ZMAT4: variants seen among roughly 807,000 people sequenced by gnomAD.
The protein encoded by ZMAT4 is zinc finger matrin-type 4.
Under a neutral mutation model 28.7 loss-of-function variants are expected in ZMAT4, and 17 were observed. The observed-to-expected ratio is 0.59, with a 90% CI of 0.41 to 0.89. The LOEUF (loss-of-function observed/expected upper bound fraction) is 0.89. Ranked by LOEUF, ZMAT4 falls within the 40% of genes least tolerant of loss-of-function variation. ZMAT4 has a pLI of 0.00. For missense variants in ZMAT4, 240 were observed against 283.8 expected (o/e 0.85, Z 1.11); for synonymous variants, 117 against 109.2 (o/e 1.07, Z -0.44).
intron 5 of ZMAT4, among the ~76,000 whole-genome samples, chr8:40,615,237 A>T (rs1033040787): frequency 1.3e-4 from 20 of 152,246 alleles, no homozygotes; most frequent in Admixed American, 3.3e-4. Flanking sequence ...TTTCTTTAAG[A>T]ATGTTGAATA....
intron 2 of ZMAT4, among the ~76,000 whole-genome samples, chr8:40,825,328 G>A (rs899764664): frequency 6.6e-6 from 1 of 152,068 alleles, no homozygotes; most frequent in African/African-American, 2.4e-5. Flanking sequence ...GTCTCCAGGG[G>A]CTGAGATACA....
In ZMAT4 at chr8:40,823,074, C is replaced by T. The variant is rs575226659; in HGVS notation, c.102+2501G>A. Reference sequence around the variant, plus strand: ...TTTTTCATTGTTTTCAATGTTCTGACGTTACTTTTCTAGTCAGGCAGTGTG... The same window carrying T: ...TTTTTCATTGTTTTCAATGTTCTGATGTTACTTTTCTAGTCAGGCAGTGTG... On this transcript the variant is annotated intron_variant, in intron 2 of 6. Coordinates refer to ENST00000297737, the MANE Select transcript of ZMAT4 (RefSeq NM_024645.3). Among the ~76,000 whole-genome samples, 27 of 152,158 alleles carry T rather than the reference C, an allele frequency of 1.8e-4. No individual in the cohort carries two copies. The South Asian group carries it at 5.2e-3, about 29-fold the overall frequency.
chr8:40,665,621 CAG>C (rs1332950468), intron 5 of ZMAT4, among the ~76,000 whole-genome samples: 1 of 152,200 alleles, frequency 6.6e-6, no homozygotes, highest in East Asian at 1.9e-4. Context: ...CCAGAAAACT[CAG>C]AGTTGGCTGT....
At chr8:40,604,608 T>C (rs1805516456) in intron 5 of ZMAT4, among the ~76,000 whole-genome samples, 2 of 152,236 alleles carry the variant, frequency 1.3e-5, no homozygotes, top group African/African-American at 4.8e-5. Context: ...GATATGCTGT[T>C]GGATTTGGTT....
At chr8:40,648,150 A>C (rs192869346) in intron 5 of ZMAT4, among the ~76,000 whole-genome samples, 311 of 152,308 alleles carry the variant, frequency 2.0e-3, no homozygotes, top group African/African-American at 7.0e-3. Flanking sequence ...CATTCAAACC[A>C]AAGGCAAAGA....
intron 1 of ZMAT4, among the ~76,000 whole-genome samples, chr8:40,875,479 C>G (rs181400282): frequency 6.6e-6 from 1 of 152,172 alleles, no homozygotes; most frequent in Non-Finnish European, 1.5e-5. Flanking sequence ...GTCAATACAG[C>G]ATATTGGTGC....
intron 2 of ZMAT4, among the ~76,000 whole-genome samples, chr8:40,797,919 G>A (rs1456472535): frequency 6.6e-6 from 1 of 152,202 alleles, no homozygotes; most frequent in Non-Finnish European, 1.5e-5. Flanking sequence ...TCTAAGGAGT[G>A]AGCCAGGCAA....
intron 6 of ZMAT4, among the ~76,000 whole-genome samples, chr8:40,559,057 C>T (rs1182642120): frequency 2.0e-5 from 3 of 152,170 alleles, no homozygotes; most frequent in Admixed American, 1.3e-4. Context: ...TCTTTTTCTT[C>T]AGCAGCTAAC....
At chr8:40,831,713 G>A (rs1256078269) in intron 1 of ZMAT4, among the ~76,000 whole-genome samples, 1 of 152,188 alleles carries the variant, frequency 6.6e-6, no homozygotes, top group African/African-American at 2.4e-5. Context: ...TTCAACTGAA[G>A]AGCAGCTCTT....
intron 5 of ZMAT4, among the ~76,000 whole-genome samples, chr8:40,670,080 T>C (rs1217719994): frequency 6.6e-6 from 1 of 152,200 alleles, no homozygotes; most frequent in Non-Finnish European, 1.5e-5. Flanking sequence ...TTAAAGGATT[T>C]AGAACAGCCA....
At chr8:40,543,613 C>A (rs926595846) in intron 6 of ZMAT4, among the ~76,000 whole-genome samples, 1 of 152,176 alleles carries the variant, frequency 6.6e-6, no homozygotes, top group African/African-American at 2.4e-5. Flanking sequence ...GATGACTTCA[C>A]CTCTATGAGC....
intron 2 of ZMAT4, among the ~76,000 whole-genome samples, chr8:40,807,170 A>AG (rs1815120860): frequency 6.8e-6 from 1 of 148,116 alleles, no homozygotes; most frequent in Admixed American, 6.7e-5. Context: ...AGCCGGGCAC[A>AG]GTGGCTTATG....
chr8:40,737,161 G>A (rs1811801509), intron 3 of ZMAT4, among the ~76,000 whole-genome samples: 1 of 152,150 alleles, frequency 6.6e-6, no homozygotes, highest in South Asian at 2.1e-4. Context: ...AGCTTTGAAT[G>A]TGGCCCAACA....
chr8:40,777,839 T>G (rs1813667252), intron 2 of ZMAT4, among the ~76,000 whole-genome samples: 1 of 152,244 alleles, frequency 6.6e-6, no homozygotes. Flanking sequence ...CAACATACTC[T>G]GATCACCTCA....
intron 3 of ZMAT4, 145 bp from the exon 4 acceptor site, chr8:40,697,546 C>T: frequency 1.1e-6 from 1 of 930,412 alleles, no homozygotes; most frequent in Non-Finnish European, 1.5e-6. Flanking sequence ...TTGCTTTCTA[C>T]TCTCTTCTTT....
chr8:40,675,619 TAAA>T (rs1328727675), intron 4 of ZMAT4, among the ~76,000 whole-genome samples: 1 of 152,186 alleles, frequency 6.6e-6, no homozygotes, highest in African/African-American at 2.4e-5. Context: ...AGTCATGACT[TAAA>T]AGATTCCGAA....
intron 3 of ZMAT4, among the ~76,000 whole-genome samples, chr8:40,760,762 GTC>G (rs1177939397): frequency 1.4e-5 from 2 of 140,930 alleles, no homozygotes; most frequent in African/African-American, 5.3e-5. Context: ...CTCTGTCGCG[GTC>G]TCTCTCTCTT....
At chr8:40,628,970 G>C (rs1291483294) in intron 5 of ZMAT4, among the ~76,000 whole-genome samples, 4 of 149,202 alleles carry the variant, frequency 2.7e-5, no homozygotes, top group Non-Finnish European at 5.9e-5. Context: ...TATATTTAAT[G>C]TTTGCTTGGG....
intron 5 of ZMAT4, among the ~76,000 whole-genome samples, chr8:40,644,407 C>T (rs1328141397): frequency 1.3e-5 from 2 of 152,056 alleles, no homozygotes; most frequent in African/African-American, 4.8e-5. Flanking sequence ...ACCACACACA[C>T]CCACACACAC....
Sources: allele counts gnomAD v4.1 joint callset (sites outside exome capture counted in the v4.1 genomes callset), GRCh38; gene constraint gnomAD v4.1.1; transcripts MANE v1.5; gene names NCBI Gene and HGNC (gene_info 2026-07-23, HGNC 2026-07-21).